Variants in PALD1 observed in about 807,000 individuals in gnomAD.
The protein encoded by PALD1 is paladin.
In PALD1, 57 loss-of-function variants were observed where a neutral mutation model predicts 96.0. The ratio of observed to expected loss-of-function variants is 0.59; its 90% CI spans 0.48 to 0.74. The LOEUF (loss-of-function observed/expected upper bound fraction) is 0.74, where lower values mean the gene tolerates loss of function less well. Ranked by LOEUF, PALD1 falls within the 30% of genes least tolerant of loss-of-function variation. PALD1 has a pLI of 0.00. For missense variants in PALD1, 1,063 were observed against 1,143.7 expected, an observed-to-expected ratio of 0.93 and a Z score of 1.02; for synonymous variants, 464 against 473.6, an observed-to-expected ratio of 0.98 and a Z score of 0.26.
intron 17 of PALD1, among the ~76,000 whole-genome samples, chr10:70,541,815 GGCCACC>G (rs1847254880): frequency 6.6e-6 from 1 of 152,070 alleles, no homozygotes; most frequent in East Asian, 1.9e-4. Flanking sequence ...GGAGGTCACT[GGCCACC>G]GTCTTGTCTG....
chr10:70,477,691 G>T (rs59147448), upstream of PALD1, among the ~76,000 whole-genome samples: 2,925 of 152,316 alleles, frequency 0.019, 97 homozygotes, highest in African/African-American at 0.066. Flanking sequence ...GGGTCATGGG[G>T]AATGTGTTCC....
chr10:70,462,703 C>T, the PALD1 span, among the ~76,000 whole-genome samples: 4 of 152,254 alleles, frequency 2.6e-5, no homozygotes, highest in Admixed American at 2.0e-4. Flanking sequence ...CCCCCTGGCA[C>T]TGTGCCTCCT....
intron 1 of PALD1, among the ~76,000 whole-genome samples, chr10:70,490,261 G>A (rs1313600829): frequency 6.6e-6 from 1 of 152,026 alleles, no homozygotes; most frequent in African/African-American, 2.4e-5. Context: ...TCACTCTGTT[G>A]CTCAGGCTGG....
chr10:70,516,679 A>G (rs1055226717), intron 1 of PALD1, among the ~76,000 whole-genome samples: 4 of 151,806 alleles, frequency 2.6e-5, no homozygotes, highest in African/African-American at 9.7e-5. Context: ...TCAGTCTTCT[A>G]AGTTGCTGCT....
At chr10:70,488,131 T>C (rs1047567718) in intron 1 of PALD1, among the ~76,000 whole-genome samples, 34 of 151,396 alleles carry the variant, frequency 2.2e-4, no homozygotes, top group East Asian at 1.4e-3. Context: ...TCTCTCTCTT[T>C]TTTTTTTTAA....
intron 1 of PALD1, among the ~76,000 whole-genome samples, chr10:70,505,949 G>T (rs894988298): frequency 2.0e-5 from 3 of 152,144 alleles, no homozygotes; most frequent in East Asian, 1.9e-4. Context: ...GCTTGAGCCC[G>T]GGTTGAGGAT....
chr10:70,507,373 T>C lies in PALD1; in HGVS notation c.-29-18550T>C, dbSNP rs1442854846. On this transcript the variant is annotated intron_variant, in intron 1 of 19. Transcript: ENST00000263563. ...GTTGCAGTGAGCCGAGGTAGTGCCATTGCACTCCAGCCTGGGCTACAAGAG... is the reference window on the plus strand; with the variant it reads ...GTTGCAGTGAGCCGAGGTAGTGCCACTGCACTCCAGCCTGGGCTACAAGAG... Among the ~76,000 whole-genome samples the C allele has an allele frequency of 3.3e-5, 5 of 152,126 alleles. No homozygotes were observed. The South Asian group carries it at 6.2e-4, about 19-fold the overall frequency.
chr10:70,541,043 G>T, intron 15 of PALD1, 59 bp from the exon 16 acceptor site: 9 of 1,523,186 alleles, frequency 5.9e-6, no homozygotes, highest in Non-Finnish European at 7.9e-6. Flanking sequence ...TGGGGACCCT[G>T]TTGGGGTTTG....
chr10:70,561,053 A>G (rs1167901254), intron 18 of PALD1, among the ~76,000 whole-genome samples: 1 of 152,196 alleles, frequency 6.6e-6, no homozygotes, highest in African/African-American at 2.4e-5. Flanking sequence ...GGCGGGGGTC[A>G]GGCGTCACCT....
intron 2 of PALD1, among the ~76,000 whole-genome samples, chr10:70,528,694 C>T (rs1017770886): frequency 3.9e-5 from 6 of 152,296 alleles, no homozygotes; most frequent in African/African-American, 1.4e-4. Flanking sequence ...AGATGCCTTC[C>T]TCAGGACGAA....
At chr10:70,552,911 T>A (rs1027486382) in intron 18 of PALD1, among the ~76,000 whole-genome samples, 1 of 152,170 alleles carries the variant, frequency 6.6e-6, no homozygotes, top group Non-Finnish European at 1.5e-5. Context: ...TGAAATATAT[T>A]TGTGAGGTAA....
chr10:70,553,887 A>G (rs1486569802), intron 18 of PALD1, among the ~76,000 whole-genome samples: 1 of 152,182 alleles, frequency 6.6e-6, no homozygotes, highest in Admixed American at 6.5e-5. Context: ...ACAAGAACAC[A>G]TCCCAGACAC....
rs368178307 is a variant in PALD1, at chr10:70,498,930, G to GA, written c.-30+19884dup. On this transcript the variant is annotated intron_variant, in intron 1 of 19. Transcript: ENST00000263563. Reference sequence around the variant, plus strand: ...GCAACAAGAGCAAAACTTTATCTCAGAAAAAAAAAAAAAGGTATCATACGT... The same window carrying GA: ...GCAACAAGAGCAAAACTTTATCTCAGAAAAAAAAAAAAAAGGTATCATACGT... Among the ~76,000 whole-genome samples, 214 of 73,844 alleles carry GA rather than the reference G, an allele frequency of 2.9e-3. 2 individuals carry two copies. In the South Asian group the frequency reaches 0.037, roughly 13 times the overall value. 48.4% of individuals were successfully genotyped at this position (73,844 alleles called of 152,430 possible). A position where few individuals can be genotyped will look rare whatever the true frequency, so the allele number is the denominator to read the frequency against.
chr10:70,518,979 T>G (rs546399453), intron 1 of PALD1, among the ~76,000 whole-genome samples: 1 of 152,248 alleles, frequency 6.6e-6, no homozygotes, highest in African/African-American at 2.4e-5. Flanking sequence ...CCAGGGAGCC[T>G]TGGGTCTGGA....
chr10:70,478,808 CGGGCCGGGGCGCGCAG>C lies in PALD1; in HGVS notation c.-279_-264del, dbSNP rs1242678885. ...GCGCTGGGGAGCAGCGCGGCGCGCA[CGGGCCGGGGCGCGCAG>C]GTCCCGTCGCCGGTGAGCACGGGCT... On this transcript the variant is annotated 5_prime_UTR_variant, in exon 1 of 20. Coordinates refer to ENST00000263563, the MANE Select transcript of PALD1 (RefSeq NM_014431.3). 6.6e-6 allele frequency: 1 copy of C among 151,502 alleles called. No homozygotes were observed. The highest frequency in any genetic ancestry group is 1.5e-5 in the Non-Finnish European group (1 of 67,840). 9.4% of individuals were successfully genotyped at this position (151,502 alleles called of 1,614,324 possible). A position where few individuals can be genotyped will look rare whatever the true frequency, so the allele number is the denominator to read the frequency against.
At chr10:70,492,292 T>C (rs1846111726) in intron 1 of PALD1, among the ~76,000 whole-genome samples, 2 of 152,236 alleles carry the variant, frequency 1.3e-5, no homozygotes, top group South Asian at 4.1e-4. Flanking sequence ...AACTTTACAA[T>C]GGGTTTATCT....
At chr10:70,464,378 AT>A in the PALD1 span, among the ~76,000 whole-genome samples, 7 of 151,062 alleles carry the variant, frequency 4.6e-5, no homozygotes, top group Non-Finnish European at 8.8e-5. Flanking sequence ...TGCCCAGCTA[AT>A]TTTTTCGTAT....
At position 70,538,394 on chromosome 10, in the gene PALD1, G is replaced by T; in HGVS notation, c.1438G>T (p.Ala480Ser). 1 of 1,611,752 alleles carries T rather than the reference G, an allele frequency of 6.2e-7. No individual in the cohort carries two copies. The change falls in exon 12 of 20, where the codon GCC becomes TCC. Residue 480 changes from alanine (A) to serine (S), a missense_variant. Coordinates refer to ENST00000263563, the MANE Select transcript of PALD1 (RefSeq NM_014431.3). ...CCCTGTGGCTCCGAGGGACCTCATC[G>T]CCAGGGGCTCCCTAGTGAGTATGAC... The part of the protein sequence containing the change: ...AGPVAPRDLI[A>S]RGSLREDDLV...
chr10:70,508,023 G>A (rs1272199779), intron 1 of PALD1, among the ~76,000 whole-genome samples: 1 of 152,194 alleles, frequency 6.6e-6, no homozygotes, highest in Non-Finnish European at 1.5e-5. Context: ...GCCTCCTGAT[G>A]CAGGGAGTGG....
Sources: allele counts gnomAD v4.1 joint callset (sites outside exome capture counted in the v4.1 genomes callset), GRCh38; gene constraint gnomAD v4.1.1; transcripts MANE v1.5; gene names NCBI Gene and HGNC (gene_info 2026-07-23, HGNC 2026-07-21).